PIGU: variants seen among roughly 807,000 people sequenced by gnomAD.
The protein encoded by PIGU is phosphatidylinositol glycan anchor biosynthesis class U.
In PIGU, 24 loss-of-function variants were observed where a neutral mutation model predicts 49.9. The ratio of observed to expected loss-of-function variants is 0.48; its 90% confidence interval spans 0.35 to 0.68. The LOEUF is 0.68. Ranked by LOEUF, PIGU falls within the 30% of genes least tolerant of loss-of-function variation. PIGU has a pLI of 0.01. For missense variants in PIGU, 490 were observed against 532.6 expected (o/e 0.92, Z 0.79); for synonymous variants, 220 against 205.7 (o/e 1.07, Z -0.59).
At chr20:34,603,370 C>T (rs1984500655) in intron 7 of PIGU, among the ~76,000 whole-genome samples, 1 of 152,110 alleles carries the variant, frequency 6.6e-6, no homozygotes, top group African/African-American at 2.4e-5. Flanking sequence ...AGATATATTT[C>T]TGTCACCTAC....
intron 11 of PIGU, among the ~76,000 whole-genome samples, chr20:34,572,840 C>T (rs1600588792): frequency 6.6e-6 from 1 of 152,134 alleles, no homozygotes; most frequent in Non-Finnish European, 1.5e-5. Flanking sequence ...CATTTACCTA[C>T]ATAAACAAAC....
At chr20:34,580,597 G>A (rs1373775844) in intron 10 of PIGU, among the ~76,000 whole-genome samples, 2 of 152,212 alleles carry the variant, frequency 1.3e-5, no homozygotes, top group African/African-American at 2.4e-5. Flanking sequence ...AAGTTCAACA[G>A]CTCCCTTCCA....
At chr20:34,603,781 T>C (rs999298656) in intron 7 of PIGU, among the ~76,000 whole-genome samples, 1 of 151,978 alleles carries the variant, frequency 6.6e-6, no homozygotes, top group Non-Finnish European at 1.5e-5. Context: ...GGGTAAATGG[T>C]ATTTCAAGAT....
intron 7 of PIGU, among the ~76,000 whole-genome samples, chr20:34,596,069 A>T (rs1241523655): frequency 6.6e-6 from 1 of 152,196 alleles, no homozygotes; most frequent in African/African-American, 2.4e-5. Context: ...CAGTGGAGAA[A>T]CCTGGCAGAC....
At chr20:34,600,551 G>C (rs1018102073) in intron 7 of PIGU, among the ~76,000 whole-genome samples, 1 of 151,168 alleles carries the variant, frequency 6.6e-6, no homozygotes, top group African/African-American at 2.4e-5. Context: ...TCCTGAAAAA[G>C]ACTGCCATTT....
chr20:34,609,704 G>A (rs1440451221), intron 7 of PIGU, among the ~76,000 whole-genome samples: 2 of 152,088 alleles, frequency 1.3e-5, no homozygotes, highest in Non-Finnish European at 2.9e-5. Context: ...TTTCCTGGAT[G>A]TGACTACACT....
chr20:34,600,201 G>A (rs1984362354), intron 7 of PIGU, among the ~76,000 whole-genome samples: 1 of 152,170 alleles, frequency 6.6e-6, no homozygotes, highest in Non-Finnish European at 1.5e-5. Context: ...GAGGTCAGAA[G>A]TTCGAGACCA....
intron 9 of PIGU, among the ~76,000 whole-genome samples, chr20:34,583,789 G>C (rs1983583075): frequency 6.6e-6 from 1 of 152,228 alleles, no homozygotes; most frequent in Admixed American, 6.5e-5. Context: ...AGGGTGTTCT[G>C]TCAGAAGCCA....
At chr20:34,568,536 G>A (rs780759275) in intron 11 of PIGU, among the ~76,000 whole-genome samples, 16 of 152,100 alleles carry the variant, frequency 1.1e-4, no homozygotes, top group Non-Finnish European at 1.5e-4. Context: ...AATGGGTCTC[G>A]AGCCAACCCC....
chr20:34,629,135 C>G (rs952363627), intron 6 of PIGU, among the ~76,000 whole-genome samples: 7 of 151,928 alleles, frequency 4.6e-5, no homozygotes, highest in Non-Finnish European at 7.4e-5. Context: ...TCTGCCTCAG[C>G]CTCCCAAGTA....
intron 4 of PIGU, among the ~76,000 whole-genome samples, chr20:34,641,040 C>T (rs1318913194): frequency 6.6e-6 from 1 of 151,778 alleles, no homozygotes; most frequent in Non-Finnish European, 1.5e-5. Flanking sequence ...ATTACAGGCG[C>T]CCACCACCGC....
At chr20:34,569,228 A>T (rs960083965) in intron 11 of PIGU, among the ~76,000 whole-genome samples, 2 of 152,096 alleles carry the variant, frequency 1.3e-5, no homozygotes, top group Non-Finnish European at 2.9e-5. Context: ...ATGAAATAAA[A>T]TTAAAAAAAA....
chr20:34,637,833 C>T (rs1191614946), intron 5 of PIGU, 43 bp downstream of exon 5: 1 of 1,593,074 alleles, frequency 6.3e-7, no homozygotes, highest in South Asian at 1.2e-5. Flanking sequence ...AGATTTTCCT[C>T]GCATTTGTTG....
chr20:34,591,172 T>G (rs1324483455), intron 7 of PIGU, among the ~76,000 whole-genome samples: 1 of 151,990 alleles, frequency 6.6e-6, no homozygotes, highest in African/African-American at 2.4e-5. Context: ...TGTAAAAAAG[T>G]ATTGCAGAGA....
chr20:34,630,833 C>T (rs998559623), intron 6 of PIGU, among the ~76,000 whole-genome samples: 7 of 151,714 alleles, frequency 4.6e-5, no homozygotes, highest in African/African-American at 1.7e-4. Flanking sequence ...TTTGTAGAGA[C>T]GAGGTCTCAC....
chr20:34,645,486 G>C, intron 2 of PIGU, 152 bp from the exon 3 acceptor site: 1 of 1,142,666 alleles, frequency 8.8e-7, no homozygotes, highest in Non-Finnish European at 1.2e-6. Flanking sequence ...CAGCTGGCCG[G>C]TGTGCTTATA....
At chr20:34,603,861 GACACACAC>G (rs142929319) in intron 7 of PIGU, among the ~76,000 whole-genome samples, 1 of 143,804 alleles carries the variant, frequency 7.0e-6, no homozygotes, top group Non-Finnish European at 1.5e-5. Context: ...TTAGTGGACA[GACACACAC>G]ACACACACAC....
intron 10 of PIGU, among the ~76,000 whole-genome samples, chr20:34,577,854 G>A (rs927167187): frequency 2.0e-5 from 3 of 152,170 alleles, no homozygotes; most frequent in African/African-American, 7.2e-5. Flanking sequence ...ATATGCAGTC[G>A]AGGCTGCGAA....
chr20:34,664,162 GTCTT>G (rs1987013294), intron 1 of PIGU, among the ~76,000 whole-genome samples: 1 of 152,000 alleles, frequency 6.6e-6, no homozygotes, highest in Non-Finnish European at 1.5e-5. Context: ...ACATTTTTTT[GTCTT>G]TCTTTTTTGA....
Sources: gnomAD v4.1 joint callset for allele counts (sites outside exome capture counted in the v4.1 genomes callset) on GRCh38, gnomAD v4.1.1 for gene constraint, MANE v1.5 for transcripts, NCBI Gene and HGNC (gene_info 2026-07-23, HGNC 2026-07-21) for gene names.